The following PABPC4L variants were observed in gnomAD, a reference collection of about 807,000 sequenced individuals.
PABPC4L encodes the protein polyadenylate-binding protein 4-like.
For missense variants in PABPC4L, 452 were observed against 451.4 expected, an observed-to-expected ratio of 1.00 and a Z score of -0.01; for synonymous variants, 169 against 164.1, an observed-to-expected ratio of 1.03 and a Z score of -0.23.
the PABPC4L span, among the ~76,000 whole-genome samples, chr4:134,099,109 T>A: frequency 4.0e-5 from 6 of 151,720 alleles, no homozygotes; most frequent in Non-Finnish European, 7.4e-5. Context: ...TTATTCACAA[T>A]CCGATTTTAC....
the PABPC4L span, among the ~76,000 whole-genome samples, chr4:134,040,260 C>T: frequency 6.8e-6 from 1 of 148,120 alleles, no homozygotes; most frequent in Admixed American, 6.7e-5. Context: ...AAAGAGCCCA[C>T]ATAGCCAAGA....
At chr4:134,161,201 T>C in the PABPC4L span, among the ~76,000 whole-genome samples, 48 of 150,902 alleles carry the variant, frequency 3.2e-4, 1 homozygote, top group Admixed American at 8.6e-4. Context: ...GAAGAAAGAA[T>C]TAGTAAGCTT....
chr4:134,056,151 C>T, the PABPC4L span, among the ~76,000 whole-genome samples: 17 of 151,934 alleles, frequency 1.1e-4, no homozygotes, highest in African/African-American at 3.1e-4. Context: ...TTTCTGGATG[C>T]GCTATACTGT....
the PABPC4L span, among the ~76,000 whole-genome samples, chr4:134,182,947 C>T: frequency 6.6e-6 from 1 of 151,770 alleles, no homozygotes; most frequent in Non-Finnish European, 1.5e-5. Flanking sequence ...ATTAAAAAGT[C>T]ACAAAATAAC....
the PABPC4L span, among the ~76,000 whole-genome samples, chr4:133,992,559 A>G: frequency 6.6e-6 from 1 of 152,106 alleles, no homozygotes; most frequent in Non-Finnish European, 1.5e-5. Flanking sequence ...GACCCCATTG[A>G]GAGTAAGTCA....
the PABPC4L span, among the ~76,000 whole-genome samples, chr4:134,005,867 C>T: frequency 2.0e-5 from 3 of 151,592 alleles, no homozygotes; most frequent in Admixed American, 6.6e-5. Flanking sequence ...TCCAAGCAAA[C>T]GACAGGGAAC....
chr4:133,982,323 C>T, the PABPC4L span, among the ~76,000 whole-genome samples: 6 of 151,958 alleles, frequency 3.9e-5, no homozygotes, highest in Non-Finnish European at 4.4e-5. Flanking sequence ...AAAGACAAAA[C>T]ATCTACTCCT....
the PABPC4L span, among the ~76,000 whole-genome samples, chr4:134,054,826 T>C: frequency 6.6e-6 from 1 of 152,104 alleles, no homozygotes; most frequent in Non-Finnish European, 1.5e-5. Context: ...AAAGGTATGA[T>C]AAACATTCAT....
At chr4:134,118,241 G>A in the PABPC4L span, among the ~76,000 whole-genome samples, 1 of 151,780 alleles carries the variant, frequency 6.6e-6, no homozygotes, top group Admixed American at 6.6e-5. Context: ...CAGAGTTCCT[G>A]TAAAGGATGT....
the PABPC4L span, among the ~76,000 whole-genome samples, chr4:134,136,968 T>C: frequency 0.49 from 73,756 of 151,786 alleles, 21,526 homozygotes; most frequent in East Asian, 0.98. Context: ...TTCTTAGTTG[T>C]GTTGATAACG....
At chr4:134,173,457 A>G in the PABPC4L span, among the ~76,000 whole-genome samples, 1 of 152,114 alleles carries the variant, frequency 6.6e-6, no homozygotes, top group Admixed American at 6.6e-5. Flanking sequence ...TAAGACAGGC[A>G]CAAAGAGACA....
At chr4:134,102,444 TAGTC>T in the PABPC4L span, among the ~76,000 whole-genome samples, 1 of 151,616 alleles carries the variant, frequency 6.6e-6, no homozygotes, top group East Asian at 1.9e-4. Context: ...CAGCACAACT[TAGTC>T]AGAATCTCTG....
rs1349723282 is a variant in PABPC4L at position 134,198,466 on chromosome 4, G to A, written c.*1441C>T. ...TTTCTCATTCATAAGCTGAGGTATT[G>A]CCAAAAAATATTTTACTATTTCTTT... is the stretch of plus-strand genomic sequence containing the variant. On this transcript the variant is annotated 3_prime_UTR_variant, in exon 2 of 2. Coordinates refer to ENST00000421491, the MANE Select transcript of PABPC4L (RefSeq NM_001114734.2). 1 of 151,296 alleles carries A rather than the reference G, an allele frequency of 6.6e-6. No homozygotes were observed. Among genetic ancestry groups the A allele is most frequent in the African/African-American group, 2.4e-5 (1 of 41,322 alleles). The allele number at this position is 151,296 out of a possible 1,614,324, so 9.4% of individuals were successfully genotyped here.
the PABPC4L span, among the ~76,000 whole-genome samples, chr4:134,124,679 C>G: frequency 3.9e-5 from 6 of 152,060 alleles, no homozygotes; most frequent in Non-Finnish European, 8.8e-5. Flanking sequence ...TTTCCCTTAT[C>G]TAAGTTCAGT....
chr4:134,150,172 T>C, the PABPC4L span, among the ~76,000 whole-genome samples: 1 of 150,268 alleles, frequency 6.7e-6, no homozygotes, highest in Non-Finnish European at 1.5e-5. Flanking sequence ...AACCTCCGCC[T>C]CCCGGGTTCA....
chr4:134,055,523 AT>A, the PABPC4L span, among the ~76,000 whole-genome samples: 1 of 151,486 alleles, frequency 6.6e-6, no homozygotes, highest in African/African-American at 2.4e-5. Context: ...CAATGAAAAA[AT>A]TTTTTTCTAT....
chr4:134,021,578 T>C, the PABPC4L span, among the ~76,000 whole-genome samples: 1 of 152,156 alleles, frequency 6.6e-6, no homozygotes, highest in Non-Finnish European at 1.5e-5. Flanking sequence ...AAATGATTGA[T>C]GTAAAAGGTG....
chr4:134,004,685 C>G, the PABPC4L span, among the ~76,000 whole-genome samples: 181 of 151,858 alleles, frequency 1.2e-3, no homozygotes, highest in African/African-American at 4.2e-3. Context: ...GCATTATTCA[C>G]AATAAACAAG....
At chr4:133,976,226 G>A in the PABPC4L span, among the ~76,000 whole-genome samples, 1 of 152,102 alleles carries the variant, frequency 6.6e-6, no homozygotes, top group African/African-American at 2.4e-5. Flanking sequence ...CTGTTTGTCT[G>A]TTAGTTTCCT....
Sources: gnomAD v4.1 joint callset for allele counts (sites outside exome capture counted in the v4.1 genomes callset) on GRCh38, gnomAD v4.1.1 for gene constraint, MANE v1.5 for transcripts, NCBI Gene and HGNC (gene_info 2026-07-23, HGNC 2026-07-21) for gene names.